GALNTL6: variants seen among roughly 807,000 people sequenced by gnomAD.
GALNTL6 encodes the protein polypeptide N-acetylgalactosaminyltransferase like 6.
Under a neutral mutation model 73.7 loss-of-function variants are expected in GALNTL6, and 46 were observed. The observed-to-expected ratio is 0.62, with a 90% CI of 0.49 to 0.80. GALNTL6 has a LOEUF of 0.80. GALNTL6 is among the 30% of genes least tolerant of loss of function. The pLI is 0.00. For synonymous variants in GALNTL6, 259 were observed against 263.7 expected (o/e 0.98, Z 0.17); for missense variants, 604 against 755.0 (o/e 0.80, Z 2.34).
chr4:172,406,440 T>C (rs1244875375), intron 5 of GALNTL6, among the ~76,000 whole-genome samples: 1 of 152,010 alleles, frequency 6.6e-6, no homozygotes, highest in Non-Finnish European at 1.5e-5. Flanking sequence ...CATATATATA[T>C]AAATGATGTT....
chr4:172,438,846 G>C (rs1478193392), intron 5 of GALNTL6, among the ~76,000 whole-genome samples: 1 of 151,830 alleles, frequency 6.6e-6, no homozygotes, highest in Non-Finnish European at 1.5e-5. Flanking sequence ...TTATAACCTT[G>C]CTTGATAATT....
intron 10 of GALNTL6, among the ~76,000 whole-genome samples, chr4:172,979,457 A>G (rs139441376): frequency 1.2e-4 from 18 of 152,356 alleles, no homozygotes; most frequent in African/African-American, 4.3e-4. Context: ...TTTCAATATA[A>G]TCAGGCTTCA....
intron 4 of GALNTL6, among the ~76,000 whole-genome samples, chr4:172,347,235 C>T (rs1194324150): frequency 2.0e-5 from 3 of 152,070 alleles, no homozygotes; most frequent in African/African-American, 7.2e-5. Flanking sequence ...AGTGATCCTC[C>T]CACCTTGGCC....
intron 5 of GALNTL6, among the ~76,000 whole-genome samples, chr4:172,702,217 C>T (rs1734065924): frequency 6.6e-6 from 1 of 151,994 alleles, no homozygotes; most frequent in East Asian, 1.9e-4. Flanking sequence ...TTAGCAAATA[C>T]ATACACACGA....
At chr4:171,944,747 A>G (rs1430246096) in intron 2 of GALNTL6, among the ~76,000 whole-genome samples, 2 of 151,986 alleles carry the variant, frequency 1.3e-5, no homozygotes, top group Admixed American at 1.3e-4. Context: ...TTTCTTCACT[A>G]ATATGTAAGT....
intron 3 of GALNTL6, among the ~76,000 whole-genome samples, chr4:172,294,446 C>A (rs934058641): frequency 1.3e-5 from 2 of 152,106 alleles, no homozygotes; most frequent in Non-Finnish European, 2.9e-5. Context: ...AAGTGAGACA[C>A]ATTTGGCAGT....
intron 2 of GALNTL6, among the ~76,000 whole-genome samples, chr4:171,964,546 T>C (rs901190697): frequency 6.6e-6 from 1 of 152,228 alleles, no homozygotes; most frequent in Admixed American, 6.5e-5. Flanking sequence ...AGCCTGGTTT[T>C]AAAAGTTGCA....
chr4:172,863,650 G>A (rs1320977440), intron 7 of GALNTL6, among the ~76,000 whole-genome samples: 3 of 152,174 alleles, frequency 2.0e-5, no homozygotes, highest in African/African-American at 2.4e-5. Flanking sequence ...TACAGGCTCA[G>A]AAGAGATTTG....
chr4:171,838,130 A>T (rs893486273), intron 2 of GALNTL6, among the ~76,000 whole-genome samples: 15 of 150,776 alleles, frequency 9.9e-5, no homozygotes, highest in African/African-American at 3.7e-4. Flanking sequence ...TTATTTATTT[A>T]TTTATTTTTT....
intron 5 of GALNTL6, among the ~76,000 whole-genome samples, chr4:172,443,168 T>TC (rs557607200): frequency 5.7e-5 from 5 of 88,286 alleles, no homozygotes; most frequent in African/African-American, 1.9e-4. Flanking sequence ...ATATATTTCT[T>TC]TTTTTTTTTT....
intron 7 of GALNTL6, among the ~76,000 whole-genome samples, chr4:172,869,132 C>T (rs975478554): frequency 3.3e-5 from 5 of 151,972 alleles, no homozygotes; most frequent in Admixed American, 3.3e-4. Context: ...CTTTAAAAAG[C>T]AGAAAGTGTG....
chr4:172,515,474 C>T (rs1247601574), intron 5 of GALNTL6, among the ~76,000 whole-genome samples: 1 of 152,236 alleles, frequency 6.6e-6, no homozygotes, highest in Non-Finnish European at 1.5e-5. Flanking sequence ...AATATTTAGG[C>T]TTCTCTGTGG....
intron 2 of GALNTL6, among the ~76,000 whole-genome samples, chr4:172,208,016 G>T (rs1386929310): frequency 1.3e-5 from 2 of 152,216 alleles, no homozygotes; most frequent in African/African-American, 4.8e-5. Context: ...AGAAGACGGA[G>T]TGAGGAACCG....
chr4:172,596,093 T>G (rs1737843121), intron 5 of GALNTL6, among the ~76,000 whole-genome samples: 1 of 152,176 alleles, frequency 6.6e-6, no homozygotes, highest in African/African-American at 2.4e-5. Flanking sequence ...TACTAATTTA[T>G]TCCTTAACAT....
In GALNTL6 at chr4:171,960,466, G is replaced by A. The variant is rs531462018; in HGVS notation, c.138+145748G>A. ...TGAATTTTTGTATATGTTTAATGGA[G>A]ACAGGGTTTCACTGTGTTCCCCAGG... On this transcript the variant is annotated intron_variant, in intron 2 of 12. Transcript: ENST00000506823. Among the ~76,000 whole-genome samples, 36 of 151,882 alleles carry A rather than the reference G, an allele frequency of 2.4e-4. No individual in the cohort carries two copies. The South Asian group carries it at 7.5e-3, about 32-fold the overall frequency.
At chr4:172,991,448 C>T (rs1169728259) in intron 10 of GALNTL6, among the ~76,000 whole-genome samples, 1 of 151,876 alleles carries the variant, frequency 6.6e-6, no homozygotes, top group African/African-American at 2.4e-5. Context: ...ACCCAGGCTG[C>T]AGTGCAGTGG....
At chr4:172,590,497 A>G (rs951429075) in intron 5 of GALNTL6, among the ~76,000 whole-genome samples, 6 of 152,202 alleles carry the variant, frequency 3.9e-5, no homozygotes, top group Admixed American at 1.3e-4. Flanking sequence ...ATCAGTATCC[A>G]GCCTTCCAGC....
In GALNTL6 at chr4:171,905,563, T is replaced by C. The variant is rs1303335877; in HGVS notation, c.138+90845T>C. 2.7e-5 allele frequency among the ~76,000 whole-genome samples: 4 copies of C among 150,306 alleles called. No individual in the cohort carries two copies. In the South Asian group the frequency reaches 8.3e-4, roughly 31 times the overall value. ...ATAATGGGAGACTTTAACACCCCAC[T>C]GTCAACGTTAGACAGATCAACGAGA... is the stretch of plus-strand genomic sequence containing the variant. On this transcript the variant is annotated intron_variant, in intron 2 of 12. Transcript: ENST00000506823.
intron 4 of GALNTL6, among the ~76,000 whole-genome samples, chr4:172,341,598 G>A (rs899986691): frequency 6.6e-6 from 1 of 152,288 alleles, no homozygotes; most frequent in Non-Finnish European, 1.5e-5. Context: ...GGAATCATGG[G>A]GGTGGGTCTT....
Sources: allele counts gnomAD v4.1 joint callset (sites outside exome capture counted in the v4.1 genomes callset), GRCh38; gene constraint gnomAD v4.1.1; transcripts MANE v1.5; gene names NCBI Gene and HGNC (gene_info 2026-07-23, HGNC 2026-07-21).